SGCD: variants seen among roughly 807,000 people sequenced by gnomAD.
SGCD encodes sarcoglycan delta.
A neutral mutation model predicts 36.6 loss-of-function variants in SGCD; 18 were observed. The observed-to-expected ratio is 0.49, with a 90% CI of 0.34 to 0.73. The LOEUF is 0.73. Among genes scored for constraint, SGCD ranks in the 30% least tolerant of loss-of-function variants. The pLI is 0.01. For missense variants in SGCD, 387 were observed against 346.7 expected (o/e 1.12, Z -0.92); for synonymous variants, 133 against 130.6 (o/e 1.02, Z -0.12).
intron 3 of SGCD, among the ~76,000 whole-genome samples, chr5:156,201,470 G>A (rs1764149412): frequency 6.6e-6 from 1 of 152,152 alleles, no homozygotes; most frequent in Non-Finnish European, 1.5e-5. Context: ...ATAACACAAT[G>A]TCAAGATGTC....
intron 3 of SGCD, among the ~76,000 whole-genome samples, chr5:156,291,333 T>A (rs77614023): frequency 0.016 from 2,366 of 152,188 alleles, 68 homozygotes; most frequent in African/African-American, 0.053. Flanking sequence ...TTTTACATGC[T>A]ATGCATGTAA....
At chr5:156,318,795 C>G (rs1339290982) in intron 3 of SGCD, among the ~76,000 whole-genome samples, 1 of 152,068 alleles carries the variant, frequency 6.6e-6, no homozygotes, top group Non-Finnish European at 1.5e-5. Context: ...GGGGTTTCAC[C>G]ACGTTGGCCA....
At chr5:156,042,642 G>A (rs916046273) in intron 1 of SGCD, among the ~76,000 whole-genome samples, 1 of 152,138 alleles carries the variant, frequency 6.6e-6, no homozygotes, top group East Asian at 1.9e-4. Context: ...CAATCATAGG[G>A]TTGTGGAAAA....
At position 155,982,242 on chromosome 5, in the gene SGCD, A is replaced by T. The variant is rs1339543486; in HGVS notation, c.-282+111818A>T. Among the ~76,000 whole-genome samples, 4 of 152,292 alleles carry T rather than the reference A, an allele frequency of 2.6e-5. No individual in the cohort carries two copies. The East Asian group carries it at 7.7e-4, about 29-fold the overall frequency. ...TTTCCATTCAGACTGTCGGGGCATG[A>T]GGGCAGGGCTTTGTCTACTTTTCCC... is the stretch of plus-strand genomic sequence containing the variant. On this transcript the variant is annotated intron_variant, in intron 1 of 9. Coordinates refer to the SGCD transcript ENST00000517913.
intron 4 of SGCD, among the ~76,000 whole-genome samples, 153 bp from the exon 5 acceptor site, chr5:156,589,078 A>G (rs900573294): frequency 2.0e-5 from 3 of 151,874 alleles, no homozygotes; most frequent in Admixed American, 2.0e-4. Flanking sequence ...TATCATGTAC[A>G]TAGGGATCTT....
At chr5:155,819,923 C>T in the SGCD span, among the ~76,000 whole-genome samples, 3 of 152,162 alleles carry the variant, frequency 2.0e-5, no homozygotes, top group East Asian at 5.8e-4. Flanking sequence ...CAATATTAGC[C>T]TCTCCCTTAT....
intron 1 of SGCD, among the ~76,000 whole-genome samples, chr5:155,967,246 A>G (rs1250658187): frequency 2.0e-5 from 3 of 151,886 alleles, no homozygotes; most frequent in Non-Finnish European, 2.9e-5. Context: ...GTCTCTGTCT[A>G]TTTAAGGTCC....
chr5:156,441,831 T>C (rs1753504935), intron 3 of SGCD, among the ~76,000 whole-genome samples: 1 of 152,204 alleles, frequency 6.6e-6, no homozygotes, highest in Non-Finnish European at 1.5e-5. Flanking sequence ...GGGGTTAATT[T>C]CATTTACTTC....
intron 1 of SGCD, among the ~76,000 whole-genome samples, chr5:156,067,962 C>A: frequency 7.7e-6 from 1 of 129,144 alleles, no homozygotes; most frequent in Non-Finnish European, 1.5e-5. Context: ...CTTGGCTCCT[C>A]CCCCCCACTT....
At chr5:156,560,465 G>A (rs1280399236) in intron 4 of SGCD, among the ~76,000 whole-genome samples, 1 of 152,148 alleles carries the variant, frequency 6.6e-6, no homozygotes, top group East Asian at 1.9e-4. Context: ...GCTAAGTGTT[G>A]ACATGAGGTT....
In SGCD at chr5:156,287,586, C is replaced by T. The variant is rs140532237; in HGVS notation, c.-43-41948C>T. 4.8e-3 allele frequency among the ~76,000 whole-genome samples: 727 copies of T among 151,272 alleles called. 3 individuals are homozygous for T. The highest frequency in any genetic ancestry group is 7.8e-3 in the Non-Finnish European group (527 of 67,874). On this transcript the variant is annotated intron_variant, in intron 3 of 9. Coordinates refer to the SGCD transcript ENST00000517913. ...GACTCTTCCTCATCGGTTAGGTGGC[C>T]CTGGGCATGCCACTCAGCTTGGAAC...
intron 1 of SGCD, among the ~76,000 whole-genome samples, chr5:156,016,482 G>T (rs1405171607): frequency 6.6e-6 from 1 of 152,104 alleles, no homozygotes; most frequent in African/African-American, 2.4e-5. Context: ...TTGAAAGGTT[G>T]TCCCATCCCT....
intron 7 of SGCD, among the ~76,000 whole-genome samples, chr5:156,686,418 C>T (rs1157284181): frequency 6.6e-6 from 1 of 152,150 alleles, no homozygotes; most frequent in Non-Finnish European, 1.5e-5. Flanking sequence ...CCTTTTTCCT[C>T]CTTTGCCCTC....
At chr5:156,674,049 G>A (rs375285763) in intron 7 of SGCD, among the ~76,000 whole-genome samples, 2 of 152,216 alleles carry the variant, frequency 1.3e-5, no homozygotes, top group South Asian at 2.1e-4. Flanking sequence ...TGTATTAATA[G>A]CAAATGTGCC....
chr5:155,900,850 A>G (rs1038151364), intron 1 of SGCD, among the ~76,000 whole-genome samples: 8 of 152,266 alleles, frequency 5.3e-5, no homozygotes, highest in African/African-American at 1.7e-4. Context: ...TAAAAAAACA[A>G]CATAATATAA....
At position 156,444,116 on chromosome 5, in the gene SGCD, CCCCT is replaced by C. The variant is rs1466838173; in HGVS notation, c.193-64484_193-64481del. On this transcript the variant is annotated intron_variant, in intron 3 of 8. Coordinates refer to ENST00000337851, the MANE Select transcript of SGCD (RefSeq NM_000337.6). The stretch of plus-strand genomic sequence containing the variant: ...TCTCTCTCTCTCTCTCTCTCTCTCT[CCCCT>C]TCCCTCTCTCTCTCTCTCCTTCCCT... 8.2e-3 allele frequency among the ~76,000 whole-genome samples: 673 copies of C among 81,998 alleles called. 52 individuals carry two copies. The highest frequency in any genetic ancestry group is 0.014 in the East Asian group (36 of 2,658). 53.8% of individuals were successfully genotyped at this position (81,998 alleles called of 152,430 possible). A position where few individuals can be genotyped will look rare whatever the true frequency, so the allele number is the denominator to read the frequency against.
intron 6 of SGCD, among the ~76,000 whole-genome samples, chr5:156,603,540 T>A (rs1206819795): frequency 1.3e-5 from 2 of 152,118 alleles, no homozygotes; most frequent in Non-Finnish European, 2.9e-5. Context: ...ACTTTTTCGA[T>A]ATAGGCATTC....
At chr5:156,190,739 G>A (rs1034041183) in intron 3 of SGCD, among the ~76,000 whole-genome samples, 2 of 152,038 alleles carry the variant, frequency 1.3e-5, no homozygotes, top group Non-Finnish European at 2.9e-5. Flanking sequence ...TAAAGCCAGA[G>A]CAGGAAAAAG....
chr5:156,109,812 T>C (rs975354668), intron 1 of SGCD, among the ~76,000 whole-genome samples: 2 of 152,174 alleles, frequency 1.3e-5, no homozygotes, highest in African/African-American at 4.8e-5. Flanking sequence ...TTTACTGCCC[T>C]ATGTCTGACT....
Sources: allele counts gnomAD v4.1 joint callset (sites outside exome capture counted in the v4.1 genomes callset), GRCh38; gene constraint gnomAD v4.1.1; transcripts MANE v1.5; gene names NCBI Gene and HGNC (gene_info 2026-07-23, HGNC 2026-07-21).